The following XYLT2 variants were observed in gnomAD, a reference collection of about 807,000 sequenced individuals.
The protein encoded by XYLT2 is UDP-D-xylose:proteoglycan core protein beta-D-xylosyltransferase.
In XYLT2, 37 loss-of-function variants were observed where a neutral mutation model predicts 82.6. The ratio of observed to expected loss-of-function variants is 0.45; its 90% confidence interval spans 0.34 to 0.59. The LOEUF (loss-of-function observed/expected upper bound fraction) is 0.59, where lower values mean the gene tolerates loss of function less well. Among genes scored for constraint, XYLT2 ranks in the 20% least tolerant of loss-of-function variants. XYLT2 has a pLI of 0.01. For missense variants in XYLT2, 934 were observed against 1,181.3 expected (o/e 0.79, Z 3.07); for synonymous variants, 474 against 499.0 (o/e 0.95, Z 0.67).
In XYLT2 at chr17:50,360,593, T is replaced by C; in HGVS notation, c.*302T>C. On this transcript the variant is annotated 3_prime_UTR_variant, in exon 11 of 11. Transcript: ENST00000017003. Reference sequence around the variant, plus strand: ...TTTCTTTTTTTTTTTTTTTTTTTAATTTAAAAAGGAAAATGGGTGGTTGGG... The same window carrying C: ...TTTCTTTTTTTTTTTTTTTTTTTAACTTAAAAAGGAAAATGGGTGGTTGGG... 2 of 1,108,864 alleles carry C rather than the reference T, an allele frequency of 1.8e-6. No individual in the cohort carries two copies. Among genetic ancestry groups the C allele is most frequent in the African/African-American group, 1.7e-5 (1 of 58,088 alleles). 68.7% of individuals were successfully genotyped at this position (1,108,864 alleles called of 1,614,324 possible).
rs1382515806 is a variant in XYLT2, at chr17:50,350,172, G to A, written c.136-3458G>A. On this transcript the variant is annotated intron_variant, in intron 1 of 10. Transcript: ENST00000017003. ...CACTCCAGCCTGGGCGACAGAGTGA[G>A]ACTGCGTCTCAAAAAAAAAAAAAAA... Among the ~76,000 whole-genome samples the A allele has an allele frequency of 2.7e-5, 2 of 74,804 alleles. 1 individual carries two copies. The highest frequency in any genetic ancestry group is 5.1e-5 in the Non-Finnish European group (2 of 39,256). 49.1% of individuals were successfully genotyped at this position (74,804 alleles called of 152,430 possible).
chr17:50,354,703 C>A, intron 3 of XYLT2, 120 bp downstream of exon 3: 1 of 1,522,448 alleles, frequency 6.6e-7, no homozygotes, highest in Non-Finnish European at 8.9e-7. Flanking sequence ...AGGCCCTGAA[C>A]AGGGGAGTGG....
At chr17:50,347,726 T>G (rs1293675720) in intron 1 of XYLT2, among the ~76,000 whole-genome samples, 1 of 152,212 alleles carries the variant, frequency 6.6e-6, no homozygotes, top group South Asian at 2.1e-4. Flanking sequence ...CTGGAATGTT[T>G]GAAAAAGCTT....
At chr17:50,347,065 C>CGGGAA (rs1336364620) in intron 1 of XYLT2, 67 of 396,062 alleles carry the variant, frequency 1.7e-4, no homozygotes, top group Non-Finnish European at 6.9e-6. Context: ...GTCCCTGCCT[C>CGGGAA]GAGGGTCTTT....
rs1414288776 is a variant in XYLT2 at position 50,346,651 on chromosome 17, G to T, written c.135+376G>T. 1 of 985,294 alleles carries T rather than the reference G, an allele frequency of 1.0e-6. No individual in the cohort carries two copies. The highest frequency in any genetic ancestry group is 1.7e-5 in the African/African-American group (1 of 57,234). The allele number at this position is 985,294 out of a possible 1,614,324, so 61.0% of individuals were successfully genotyped here. On this transcript the variant is annotated intron_variant, in intron 1 of 10. Transcript: ENST00000017003. This position sits in a 1 kb window ranked among gnomAD's most constrained non-coding sequence, Gnocchi z 5.1. ...TGGGGAGCCCCAGGCCAAACTTTCTGAAGTTGGGAGGGGGCGGGGATATGC... is the reference window on the plus strand; with the variant it reads ...TGGGGAGCCCCAGGCCAAACTTTCTTAAGTTGGGAGGGGGCGGGGATATGC...
At position 50,354,507 on chromosome 17, in the gene XYLT2, G is replaced by A. The variant is rs1315395627; in HGVS notation, c.728G>A (p.Arg243His). ...RIAYMLVVHG[R>H]AIRQLKRLLK... ...GCCTACATGCTGGTGGTTCACGGCC[G>A]CGCCATCCGCCAGCTGAAGCGTCTC... The change falls in exon 3 of 11, where the codon CGC (arginine) becomes CAC (histidine). Residue 243 changes from arginine (R) to histidine (H), a missense_variant. By Grantham distance (29) the Arg-to-His change is conservative (BLOSUM62 0). Coordinates refer to ENST00000017003, the MANE Select transcript of XYLT2 (RefSeq NM_022167.4). 1.7e-5 allele frequency: 27 copies of A among 1,613,208 alleles called. No homozygotes were observed. In the Middle Eastern group the frequency reaches 6.7e-4, roughly 40 times the overall value.
At position 50,357,123 on chromosome 17, in the gene XYLT2, C is replaced by T. The variant is rs1271824036; in HGVS notation, c.1812C>T (p.Tyr604=). The change falls in exon 9 of 11, where the codon TAC becomes TAT. Residue 604 remains tyrosine, a synonymous_variant. Coordinates refer to ENST00000017003, the MANE Select transcript of XYLT2 (RefSeq NM_022167.4). Reference sequence around the variant, plus strand: ...TCTATGACGACCATTTCCAGGGCTACCTGGTGACGCAGGCGGTGCAGCCCT... The same window carrying T: ...TCTATGACGACCATTTCCAGGGCTATCTGGTGACGCAGGCGGTGCAGCCCT... ...LYFYDDHFQG[Y]LVTQAVQPSA... is the part of the protein sequence containing the mutation. The T allele has an allele frequency of 6.8e-6, 11 of 1,613,906 alleles. No homozygotes were observed. Among genetic ancestry groups the T allele is most frequent in the South Asian group, 2.2e-5 (2 of 91,072 alleles).
intron 2 of XYLT2, 25 bp downstream of exon 2, chr17:50,354,147 C>G (rs372975475): frequency 2.8e-5 from 45 of 1,599,496 alleles, no homozygotes; most frequent in East Asian, 2.2e-4. Flanking sequence ...TGCTCCAGCC[C>G]TTCCCAGGCG....
intron 1 of XYLT2, among the ~76,000 whole-genome samples, chr17:50,349,983 G>T (rs1052106157): frequency 1.3e-5 from 2 of 151,516 alleles, no homozygotes; most frequent in African/African-American, 4.8e-5. Context: ...AGGAATTTGA[G>T]ACCAGCCTGG....
intron 1 of XYLT2, among the ~76,000 whole-genome samples, chr17:50,349,197 G>A (rs1003755674): frequency 2.0e-5 from 3 of 152,178 alleles, no homozygotes; most frequent in Admixed American, 6.5e-5. Context: ...GCTTCCACTC[G>A]GAGAGCCTAC....
At chr17:50,352,077 T>G (rs1912294957) in intron 1 of XYLT2, among the ~76,000 whole-genome samples, 1 of 152,096 alleles carries the variant, frequency 6.6e-6, no homozygotes, top group Non-Finnish European at 1.5e-5. Flanking sequence ...AGTGGTCCAT[T>G]AAGTCACGCT....
At chr17:50,358,049 A>T in intron 9 of XYLT2, 158 bp from the exon 10 acceptor site, 1 of 653,954 alleles carries the variant, frequency 1.5e-6, no homozygotes, top group Non-Finnish European at 2.6e-6. Context: ...GAGAGATATT[A>T]AAGGTCTCCT....
Position 50,360,574 on chromosome 17 carries a change from T to TTTTC in XYLT2, c.*286_*287insCTTT. 2.8e-6 allele frequency: 3 copies of TTTTC among 1,069,602 alleles called. No homozygotes were observed. Among genetic ancestry groups the TTTTC allele is most frequent in the African/African-American group, 1.9e-5 (1 of 53,764 alleles). 66.3% of individuals were successfully genotyped at this position (1,069,602 alleles called of 1,614,324 possible). On this transcript the variant is annotated 3_prime_UTR_variant, in exon 11 of 11. Transcript: ENST00000017003. The stretch of plus-strand genomic sequence containing the variant: ...CTAGTTTGAATTTCTTTTTTTTCTT[T>TTTTC]TTTTTTTTTTTTTTTTAATTTAAAA...
chr17:50,350,190 A>C (rs148099596), intron 1 of XYLT2, among the ~76,000 whole-genome samples: 31 of 96,752 alleles, frequency 3.2e-4, no homozygotes, highest in African/African-American at 4.4e-4. Flanking sequence ...CTCAAAAAAA[A>C]AAAAAAAAAA....
At chr17:50,348,690 G>T (rs1912137857) in intron 1 of XYLT2, among the ~76,000 whole-genome samples, 1 of 152,144 alleles carries the variant, frequency 6.6e-6, no homozygotes, top group African/African-American at 2.4e-5. Flanking sequence ...GGGTATGGGG[G>T]GAGCATTTCT....
At position 50,358,216 on chromosome 17, in the gene XYLT2, G is replaced by A. The variant is rs1442165273; in HGVS notation, c.1951G>A (p.Asp651Asn). 1 of 1,604,204 alleles carries A rather than the reference G, an allele frequency of 6.2e-7. No individual in the cohort carries two copies. Among genetic ancestry groups the A allele is most frequent in the Non-Finnish European group, 8.5e-7 (1 of 1,174,410 alleles). Residue 651 changes from aspartate (D) to asparagine (N), a missense_variant, in exon 10 of 11, where the codon GAT becomes AAT. By Grantham distance (23) the Asp-to-Asn change is conservative (BLOSUM62 1). Coordinates refer to ENST00000017003, the MANE Select transcript of XYLT2 (RefSeq NM_022167.4). ...SRLQSLEVGT[D>N]WDPKERLFRN... ...GCCTCTCTCTCTACAGGTTGGCACT[G>A]ATTGGGACCCCAAAGAGCGTCTTTT...
Position 50,360,571 on chromosome 17 carries a change from C to CTTTTTTTTTTTTTT in XYLT2, c.*286_*299dup, listed in dbSNP as rs386386236. The stretch of plus-strand genomic sequence containing the variant: ...TGTCTAGTTTGAATTTCTTTTTTTT[C>CTTTTTTTTTTTTTT]TTTTTTTTTTTTTTTTTTTAATTTA... On this transcript the variant is annotated 3_prime_UTR_variant, in exon 11 of 11. Transcript: ENST00000017003. 1.4e-4 allele frequency: 135 copies of CTTTTTTTTTTTTTT among 979,638 alleles called. 1 individual carries two copies. The highest frequency in any genetic ancestry group is 8.8e-4 in the Admixed American group (13 of 14,770). The allele number at this position is 979,638 out of a possible 1,614,324, so 60.7% of individuals were successfully genotyped here.
Position 50,354,508 on chromosome 17 carries a change from C to T in XYLT2, c.729C>T (p.Arg243=), listed in dbSNP as rs1226618202. The part of the protein sequence containing the change: ...RIAYMLVVHG[R]AIRQLKRLLK... Reference sequence around the variant, plus strand: ...CCTACATGCTGGTGGTTCACGGCCGCGCCATCCGCCAGCTGAAGCGTCTCC... The same window carrying T: ...CCTACATGCTGGTGGTTCACGGCCGTGCCATCCGCCAGCTGAAGCGTCTCC... Residue 243 remains arginine (R), a synonymous_variant, in exon 3 of 11, where the codon CGC becomes CGT. Transcript: ENST00000017003. 3.7e-6 allele frequency: 6 copies of T among 1,613,284 alleles called. No homozygotes were observed. The Admixed American group carries it at 5.0e-5, about 13-fold the overall frequency.
Position 50,360,450 on chromosome 17 carries a change from GAAC to G in XYLT2, c.*160_*162del. 1 of 1,414,016 alleles carries G rather than the reference GAAC, an allele frequency of 7.1e-7. No homozygotes were observed. Among genetic ancestry groups the G allele is most frequent in the East Asian group, 2.6e-5 (1 of 38,852 alleles). 87.6% of individuals were successfully genotyped at this position (1,414,016 alleles called of 1,614,324 possible). On this transcript the variant is annotated 3_prime_UTR_variant, in exon 11 of 11. Transcript: ENST00000017003. Reference sequence around the variant, plus strand: ...ACGGCAGGGAAGGTGGACACAGTATGAACTACTGCTGATGTCTCTGTTGGGGAT... The same window carrying G: ...ACGGCAGGGAAGGTGGACACAGTATGTACTGCTGATGTCTCTGTTGGGGAT...
Sources: allele counts gnomAD v4.1 joint callset (sites outside exome capture counted in the v4.1 genomes callset), GRCh38; gene constraint gnomAD v4.1.1; non-coding constraint Gnocchi (gnomAD v3.1); transcripts MANE v1.5; gene names NCBI Gene and HGNC (gene_info 2026-07-23, HGNC 2026-07-21).